CERS6: variants seen among roughly 807,000 people sequenced by gnomAD.
The protein encoded by CERS6 is ceramide synthase 6, also known as LAG1 homolog, ceramide synthase 6.
Under a neutral mutation model 56.8 loss-of-function variants are expected in CERS6, and 26 were observed. That is an observed-to-expected ratio of 0.46 (90% confidence interval 0.34 to 0.63). CERS6 has a LOEUF of 0.63. Among genes scored for constraint, CERS6 ranks in the 30% least tolerant of loss-of-function variants. The probability of loss-of-function intolerance (pLI) is 0.01; values close to 1 mark genes in which losing one functional copy is unlikely to be tolerated. For synonymous variants in CERS6, 164 were observed against 173.3 expected (o/e 0.95, Z 0.42); for missense variants, 415 against 467.5 (o/e 0.89, Z 1.04).
intron 4 of CERS6, among the ~76,000 whole-genome samples, chr2:168,637,218 C>G (rs1182509020): frequency 2.0e-5 from 3 of 152,212 alleles, no homozygotes; most frequent in Non-Finnish European, 4.4e-5. Flanking sequence ...TGGCTCACGC[C>G]TGTAATCCCA....
chr2:168,766,267 A>T, intron 9 of CERS6: 1 of 1,559,456 alleles, frequency 6.4e-7, no homozygotes, highest in Non-Finnish European at 8.7e-7. Flanking sequence ...TTTCCAGATC[A>T]TTCTCTGTGA....
intron 3 of CERS6, among the ~76,000 whole-genome samples, chr2:168,601,385 T>C (rs1388326164): frequency 6.6e-6 from 1 of 152,196 alleles, no homozygotes; most frequent in African/African-American, 2.4e-5. Context: ...ATCAATAGTA[T>C]TGCATGCTCA....
At chr2:168,593,880 G>A (rs1210501151) in intron 3 of CERS6, among the ~76,000 whole-genome samples, 1 of 152,146 alleles carries the variant, frequency 6.6e-6, no homozygotes, top group Non-Finnish European at 1.5e-5. Context: ...AATGCCTGTT[G>A]CCAGGCAAAC....
rs1211922044 is a variant in CERS6 at position 168,771,224 on chromosome 2, T to C, written c.*1562T>C. ...AGAGTGCGTATCCTGCTCAGAACCA[T>C]TCACATTTAATTCAATTCTTGGAAA... On this transcript the variant is annotated 3_prime_UTR_variant, in exon 10 of 10. Coordinates refer to ENST00000305747, the MANE Select transcript of CERS6 (RefSeq NM_203463.3). The C allele has an allele frequency of 2.6e-5, 4 of 152,262 alleles. No homozygotes were observed. The highest frequency in any genetic ancestry group is 4.2e-4 in the South Asian group (2 of 4,814). 9.4% of individuals were successfully genotyped at this position (152,262 alleles called of 1,614,324 possible).
chr2:168,730,050 G>A (rs376561018), intron 8 of CERS6, among the ~76,000 whole-genome samples: 2 of 152,178 alleles, frequency 1.3e-5, no homozygotes, highest in African/African-American at 4.8e-5. Context: ...GCACAATGAC[G>A]ACTGAGACTT....
At chr2:168,740,423 G>A (rs1470318818) in intron 8 of CERS6, among the ~76,000 whole-genome samples, 1 of 152,164 alleles carries the variant, frequency 6.6e-6, no homozygotes, top group Non-Finnish European at 1.5e-5. Flanking sequence ...CTAGGTAATT[G>A]AGACCAGGAT....
chr2:168,475,628 T>C (rs1380881100), intron 1 of CERS6, among the ~76,000 whole-genome samples: 2 of 152,224 alleles, frequency 1.3e-5, no homozygotes, highest in Non-Finnish European at 2.9e-5. Context: ...AATATTTTTA[T>C]TGGTATTTTA....
chr2:168,481,054 C>T (rs1694167921), intron 1 of CERS6, among the ~76,000 whole-genome samples: 1 of 152,144 alleles, frequency 6.6e-6, no homozygotes, highest in African/African-American at 2.4e-5. Flanking sequence ...GGGCACCAAC[C>T]TGGGCTTGAC....
intron 1 of CERS6, among the ~76,000 whole-genome samples, chr2:168,516,926 A>G (rs1339499991): frequency 6.6e-6 from 1 of 152,114 alleles, no homozygotes; most frequent in South Asian, 2.1e-4. Flanking sequence ...GTCTGTCCAA[A>G]TATAGGGCTT....
intron 8 of CERS6, among the ~76,000 whole-genome samples, chr2:168,741,342 G>A (rs1301471547): frequency 1.4e-5 from 2 of 148,144 alleles, no homozygotes; most frequent in African/African-American, 5.1e-5. Flanking sequence ...GAGGCACCAA[G>A]CAGGCAGTTA....
intron 1 of CERS6, among the ~76,000 whole-genome samples, chr2:168,494,076 C>T (rs1284615077): frequency 6.6e-6 from 1 of 152,096 alleles, no homozygotes; most frequent in Non-Finnish European, 1.5e-5. Flanking sequence ...GAGGAATCGT[C>T]GAGGGCTCAG....
intron 1 of CERS6, among the ~76,000 whole-genome samples, chr2:168,534,691 G>A (rs757812672): frequency 2.0e-4 from 30 of 152,118 alleles, no homozygotes; most frequent in African/African-American, 6.5e-4. Context: ...CCTGTTGGAC[G>A]GTCTCACCCT....
intron 4 of CERS6, among the ~76,000 whole-genome samples, chr2:168,685,974 T>G (rs1686339065): frequency 1.3e-5 from 2 of 151,230 alleles, no homozygotes; most frequent in South Asian, 4.2e-4. Context: ...TAAGTCTTCT[T>G]AAATTGAAAT....
At chr2:168,536,099 C>T (rs1253443055) in intron 1 of CERS6, among the ~76,000 whole-genome samples, 1 of 152,036 alleles carries the variant, frequency 6.6e-6, no homozygotes, top group African/African-American at 2.4e-5. Context: ...AAAAGTGATC[C>T]TAAATTCAAG....
At chr2:168,534,285 G>T (rs1695219067) in intron 1 of CERS6, among the ~76,000 whole-genome samples, 1 of 152,066 alleles carries the variant, frequency 6.6e-6, no homozygotes, top group African/African-American at 2.4e-5. Context: ...CGATCATTTG[G>T]AGAAGAGTCA....
intron 4 of CERS6, among the ~76,000 whole-genome samples, chr2:168,655,098 A>G (rs956716874): frequency 6.6e-6 from 1 of 152,230 alleles, no homozygotes; most frequent in Non-Finnish European, 1.5e-5. Context: ...CATTTATCCA[A>G]AGAAGACATA....
chr2:168,481,415 A>G (rs886778558), intron 1 of CERS6, among the ~76,000 whole-genome samples: 2 of 152,146 alleles, frequency 1.3e-5, no homozygotes, highest in African/African-American at 2.4e-5. Context: ...CTCCGTCTCA[A>G]AAAAAAACGG....
At chr2:168,698,236 G>GAAA (rs1214508784) in intron 6 of CERS6, among the ~76,000 whole-genome samples, 1 of 124,988 alleles carries the variant, frequency 8.0e-6, no homozygotes, top group African/African-American at 3.6e-5. Context: ...TGTCTCACAG[G>GAAA]AAAAAAAAAA....
At chr2:168,640,155 G>C (rs1344146472) in intron 4 of CERS6, among the ~76,000 whole-genome samples, 1 of 152,198 alleles carries the variant, frequency 6.6e-6, no homozygotes, top group East Asian at 1.9e-4. Context: ...GCTGGAGTGA[G>C]TGCTGGCAAT....
Sources: gnomAD v4.1 joint callset for allele counts (sites outside exome capture counted in the v4.1 genomes callset) on GRCh38, gnomAD v4.1.1 for gene constraint, MANE v1.5 for transcripts, NCBI Gene and HGNC (gene_info 2026-07-23, HGNC 2026-07-21) for gene names.